The following TFB1M variants were observed in gnomAD, a reference collection of about 807,000 sequenced individuals.
TFB1M encodes dimethyladenosine transferase 1, mitochondrial.
In TFB1M, 27 loss-of-function variants were observed where a neutral mutation model predicts 31.1. The observed-to-expected ratio is 0.87, with a 90% CI of 0.64 to 1.20. The LOEUF (loss-of-function observed/expected upper bound fraction) is 1.20. TFB1M is among the 50% of genes most tolerant of loss of function. TFB1M has a pLI of 0.00. For missense variants in TFB1M, 394 were observed against 418.7 expected (o/e 0.94, Z 0.51); for synonymous variants, 166 against 151.8 (o/e 1.09, Z -0.69).
chr6:155,311,930 G>T (rs1204383353), intron 1 of TFB1M, among the ~76,000 whole-genome samples: 1 of 151,730 alleles, frequency 6.6e-6, no homozygotes, highest in Non-Finnish European at 1.5e-5. Context: ...AGCAGTTGAG[G>T]GTTTTTAAAG....
At chr6:155,268,985 TTA>T (rs1784796492) in intron 5 of TFB1M, among the ~76,000 whole-genome samples, 1 of 71,538 alleles carries the variant, frequency 1.4e-5, no homozygotes. Flanking sequence ...AATTAAAAAA[TTA>T]AAAAAAAAAA....
the TFB1M span, among the ~76,000 whole-genome samples, chr6:155,243,846 C>CAAAAAAAAAA: frequency 5.4e-4 from 30 of 55,046 alleles, 1 homozygote; most frequent in African/African-American, 2.3e-3. Flanking sequence ...GACTCCGTCT[C>CAAAAAAAAAA]AAAAAAAAAA....
chr6:155,233,098 G>C, the TFB1M span, among the ~76,000 whole-genome samples: 1 of 152,174 alleles, frequency 6.6e-6, no homozygotes, highest in Non-Finnish European at 1.5e-5. Flanking sequence ...CTCAGCTTCT[G>C]ATGCAGTGGA....
At chr6:155,290,330 G>A (rs181203787) in intron 4 of TFB1M, among the ~76,000 whole-genome samples, 7 of 148,278 alleles carry the variant, frequency 4.7e-5, no homozygotes, top group South Asian at 2.1e-4. Context: ...GGCTTGCAGC[G>A]AGCCGAGATG....
rs530602668 is a variant in TFB1M, at chr6:155,268,190, G to A, written c.667-7790C>T. On this transcript the variant is annotated intron_variant, in intron 5 of 6. Transcript: ENST00000367166. ...GCTCCCATTACCACAGCCTCCCAGA[G>A]TCTGTCTGTCTCCAATTCTGATCTC... 1.6e-4 allele frequency among the ~76,000 whole-genome samples: 25 copies of A among 152,182 alleles called. No individual in the cohort carries two copies. The East Asian group carries it at 4.4e-3, about 27-fold the overall frequency.
chr6:155,254,783 A>T (rs1583295293), downstream of TFB1M: 1 of 555,324 alleles, frequency 1.8e-6, no homozygotes, highest in Non-Finnish European at 3.2e-6. Flanking sequence ...TTGTCTTCCT[A>T]CCCGCTGACA....
intron 4 of TFB1M, among the ~76,000 whole-genome samples, chr6:155,295,298 G>A (rs1036594412): frequency 1.1e-4 from 17 of 151,922 alleles, no homozygotes; most frequent in East Asian, 7.7e-4. Context: ...CCCGGGAGAC[G>A]GAGCTTGCAG....
intron 2 of TFB1M, among the ~76,000 whole-genome samples, chr6:155,307,064 T>TA: frequency 6.6e-6 from 1 of 151,934 alleles, no homozygotes; most frequent in Non-Finnish European, 1.5e-5. Flanking sequence ...AAGGCTGCAG[T>TA]GAGCTGTTGA....
intron 5 of TFB1M, among the ~76,000 whole-genome samples, chr6:155,282,580 T>G (rs1776418411): frequency 1.3e-5 from 2 of 152,142 alleles, no homozygotes; most frequent in Non-Finnish European, 2.9e-5. Context: ...CAACCTCTAT[T>G]TTTAGCGCTT....
intron 5 of TFB1M, chr6:155,276,288 C>T (rs1785211392): frequency 6.2e-6 from 10 of 1,613,970 alleles, no homozygotes; most frequent in Non-Finnish European, 7.6e-6. Flanking sequence ...AAAAGGAATC[C>T]AGAAGCTAGA....
At chr6:155,250,044 G>C in the TFB1M span, 5 of 1,093,976 alleles carry the variant, frequency 4.6e-6, no homozygotes, top group Non-Finnish European at 5.3e-6. Context: ...TAGATAGGCT[G>C]CCCTGTTAGG....
chr6:155,306,101 T>C (rs1777751261), intron 2 of TFB1M, among the ~76,000 whole-genome samples: 1 of 152,028 alleles, frequency 6.6e-6, no homozygotes, highest in Non-Finnish European at 1.5e-5. Context: ...ACATCGTATG[T>C]CCAGTATTAT....
intron 5 of TFB1M, among the ~76,000 whole-genome samples, chr6:155,270,899 T>C (rs1225140316): frequency 1.3e-5 from 2 of 152,234 alleles, no homozygotes; most frequent in African/African-American, 4.8e-5. Context: ...ACTGAATTGT[T>C]TGTATTTCCC....
chr6:155,248,199 T>G, the TFB1M span: 1 of 1,608,468 alleles, frequency 6.2e-7, no homozygotes, highest in Non-Finnish European at 8.5e-7. Context: ...CGGCGGCACC[T>G]CCGGGCGAGG....
At chr6:155,263,975 T>C (rs1784506273) in intron 5 of TFB1M, 1 of 149,446 alleles carries the variant, frequency 6.7e-6, no homozygotes. Flanking sequence ...CAGGGAATAA[T>C]CAGTAAGACT....
the TFB1M span, among the ~76,000 whole-genome samples, chr6:155,241,923 G>C: frequency 2.0e-5 from 3 of 152,304 alleles, no homozygotes; most frequent in South Asian, 6.2e-4. Context: ...TGGAGCTCTT[G>C]CCCCAAGAGT....
chr6:155,246,881 A>G, the TFB1M span, among the ~76,000 whole-genome samples: 3 of 152,258 alleles, frequency 2.0e-5, no homozygotes, highest in Non-Finnish European at 4.4e-5. Flanking sequence ...ATAAGGGTGT[A>G]TCTTCCTTCA....
At chr6:155,290,951 GC>G (rs1373720870) in intron 4 of TFB1M, among the ~76,000 whole-genome samples, 1 of 152,106 alleles carries the variant, frequency 6.6e-6, no homozygotes, top group Non-Finnish European at 1.5e-5. Flanking sequence ...TTAGGATGAG[GC>G]CTCTAGGTAG....
intron 5 of TFB1M, among the ~76,000 whole-genome samples, chr6:155,274,601 T>C (rs190052808): frequency 8.4e-4 from 128 of 152,362 alleles, no homozygotes; most frequent in African/African-American, 3.0e-3. Flanking sequence ...CATGTTCTTA[T>C]ATACAAAAAA....
Sources: allele counts gnomAD v4.1 joint callset (sites outside exome capture counted in the v4.1 genomes callset), GRCh38; gene constraint gnomAD v4.1.1; transcripts MANE v1.5; gene names NCBI Gene and HGNC (gene_info 2026-07-23, HGNC 2026-07-21).